GBA2: variants seen among roughly 807,000 people sequenced by gnomAD.
GBA2 encodes non-lysosomal glucosylceramidase.
A neutral mutation model predicts 112.9 loss-of-function variants in GBA2; 79 were observed. That is an observed-to-expected ratio of 0.70 (90% CI 0.58 to 0.84). GBA2 has a LOEUF of 0.84. Among genes scored for constraint, GBA2 ranks in the 40% least tolerant of loss-of-function variants. The probability of loss-of-function intolerance (pLI) is 0.00; values close to 1 mark genes in which losing one functional copy is unlikely to be tolerated. For synonymous variants in GBA2, 403 were observed against 434.3 expected (o/e 0.93, Z 0.90); for missense variants, 1,043 against 1,190.0 (o/e 0.88, Z 1.82).
At chr9:35,745,750 A>G (rs1826940148) in intron 1 of GBA2, among the ~76,000 whole-genome samples, 1 of 152,046 alleles carries the variant, frequency 6.6e-6, no homozygotes, top group African/African-American at 2.4e-5. Flanking sequence ...TTCTAATCTT[A>G]TTTCCTACAA....
intron 1 of GBA2, among the ~76,000 whole-genome samples, chr9:35,747,117 C>A (rs1422651400): frequency 1.3e-5 from 2 of 152,102 alleles, no homozygotes; most frequent in Non-Finnish European, 2.9e-5. Flanking sequence ...AGGAACTCAT[C>A]CTATTCCAAA....
Position 35,748,744 on chromosome 9 carries a change from G to C in GBA2, c.-40C>G. On this transcript the variant is annotated 5_prime_UTR_variant, in exon 1 of 17. Coordinates refer to ENST00000378103, the MANE Select transcript of GBA2 (RefSeq NM_020944.3). Reference sequence around the variant, plus strand: ...CAAGTCCCGAGCCCTCGGATACTAAGTATCTCGCCAGCCTATTCCAGATGC... The same window carrying C: ...CAAGTCCCGAGCCCTCGGATACTAACTATCTCGCCAGCCTATTCCAGATGC... 7.9e-7 allele frequency: 1 copy of C among 1,265,740 alleles called. No homozygotes were observed. The highest frequency in any genetic ancestry group is 1.5e-5 in the South Asian group (1 of 68,682). The allele number at this position is 1,265,740 out of a possible 1,614,324, so 78.4% of individuals were successfully genotyped here.
Position 35,748,780 on chromosome 9 carries a change from CGTT to C in GBA2, c.-79_-77del, listed in dbSNP as rs1175803636. ...GCCTATTCCAGATGCGGGCGCCGGT[CGTT>C]GTTAGGTATCGTCCCGGAGGGCCGG... is the stretch of plus-strand genomic sequence containing the variant. On this transcript the variant is annotated 5_prime_UTR_variant, in exon 1 of 17. Coordinates refer to ENST00000378103, the MANE Select transcript of GBA2 (RefSeq NM_020944.3). The C allele has an allele frequency of 1.1e-6, 1 of 906,500 alleles. No homozygotes were observed. Among genetic ancestry groups the C allele is most frequent in the East Asian group, 2.5e-5 (1 of 40,474 alleles). The allele number at this position is 906,500 out of a possible 1,614,324, so 56.2% of individuals were successfully genotyped here.
rs754317421 is a variant in GBA2, at chr9:35,744,411, A to C, written c.453T>G (p.Gly151=). 1 of 1,572,050 alleles carries C rather than the reference A, an allele frequency of 6.4e-7. No individual in the cohort carries two copies. Among genetic ancestry groups the C allele is most frequent in the East Asian group, 2.2e-5 (1 of 44,666 alleles). The change falls in exon 3 of 17, where the codon GGT becomes GGG. Residue 151 remains glycine, a splice_region_variant and synonymous_variant. Coordinates refer to ENST00000378103, the MANE Select transcript of GBA2 (RefSeq NM_020944.3). The part of the protein sequence containing the change: ...INSVPLRQIY[G]CPLGGIGGGT... ...CTCCCCCGATGCCACCCAAGGGACA[A>C]CCTAGAGAAATCAGGGTGGTTAGTG...
chr9:35,744,403 A>G lies in GBA2; in HGVS notation c.461T>C (p.Leu154Ser). The G allele has an allele frequency of 1.3e-6, 2 of 1,595,130 alleles. No homozygotes were observed. The highest frequency in any genetic ancestry group is 1.7e-6 in the Non-Finnish European group (2 of 1,162,664). Reference sequence around the variant, plus strand: ...AATAGTGCCTCCCCCGATGCCACCCAAGGGACAACCTAGAGAAATCAGGGT... The same window carrying G: ...AATAGTGCCTCCCCCGATGCCACCCGAGGGACAACCTAGAGAAATCAGGGT... ...VPLRQIYGCP[L>S]GGIGGGTITR... The change falls in exon 3 of 17, where the codon TTG becomes TCG. Residue 154 changes from leucine to serine, a missense_variant. Physicochemically the swap from Leu to Ser is moderately radical, Grantham distance 145. Coordinates refer to ENST00000378103, the MANE Select transcript of GBA2 (RefSeq NM_020944.3).
chr9:35,741,489 T>G lies in GBA2; in HGVS notation c.786+183A>C. 1.6e-6 allele frequency: 1 copy of G among 609,156 alleles called. No individual in the cohort carries two copies. Among genetic ancestry groups the G allele is most frequent in the Non-Finnish European group, 3.0e-6 (1 of 338,964 alleles). The allele number at this position is 609,156 out of a possible 1,614,324, so 37.7% of individuals were successfully genotyped here. A position where few individuals can be genotyped will look rare whatever the true frequency, so the allele number is the denominator to read the frequency against. On this transcript the variant is annotated intron_variant, in intron 4 of 16. Transcript: ENST00000378103. This position sits in a 1 kb window ranked among gnomAD's most constrained non-coding sequence, Gnocchi z 4.6. ...TTTTTTTTTGTATTTTTAGTAGATA[T>G]GGGGTTTCACGTGTTAGCCAGGATG...
Position 35,746,896 on chromosome 9 carries a change from A to G in GBA2, c.359+1450T>C, listed in dbSNP as rs1826995952. Among the ~76,000 whole-genome samples the G allele has an allele frequency of 6.6e-6, 1 of 152,178 alleles. No individual in the cohort carries two copies. The highest frequency in any genetic ancestry group is 1.5e-5 in the Non-Finnish European group (1 of 68,028). On this transcript the variant is annotated intron_variant, in intron 1 of 16. Transcript: ENST00000378103. This position sits in a 1 kb window ranked among gnomAD's most constrained non-coding sequence, Gnocchi z 5.2. ...CTGGCTGGAAGGGAGAACAATTGAAATTGAGTTCTTACGAAGGTAAGACCC... is the reference window on the plus strand; with the variant it reads ...CTGGCTGGAAGGGAGAACAATTGAAGTTGAGTTCTTACGAAGGTAAGACCC...
Position 35,749,218 on chromosome 9 carries a change from C to T in GBA2, c.-514G>A, listed in dbSNP as rs760586454. 1 of 452,012 alleles carries T rather than the reference C, an allele frequency of 2.2e-6. No individual in the cohort carries two copies. The highest frequency in any genetic ancestry group is 4.5e-6 in the Non-Finnish European group (1 of 224,458). 28.0% of individuals were successfully genotyped at this position (452,012 alleles called of 1,614,324 possible). ...CCTGGGCGCCGGGATGACCCGAGCCCTTTCCGGTCTGGCCTGCCGGGCGCT... is the reference window on the plus strand; with the variant it reads ...CCTGGGCGCCGGGATGACCCGAGCCTTTTCCGGTCTGGCCTGCCGGGCGCT... On this transcript the variant is annotated 5_prime_UTR_variant, in exon 1 of 17. Transcript: ENST00000378103. The surrounding 1 kb of genome is among the most constrained non-coding windows in gnomAD (Gnocchi z 4.4).
At position 35,737,907 on chromosome 9, in the gene GBA2, G is replaced by C. The variant is rs758834761; in HGVS notation, c.2346C>G (p.Leu782=). 3.1e-6 allele frequency: 5 copies of C among 1,612,902 alleles called. No individual in the cohort carries two copies. The Admixed American group carries it at 6.7e-5, about 21-fold the overall frequency. Residue 782 remains leucine, a synonymous_variant, in exon 16 of 17, where the codon CTC becomes CTG. Transcript: ENST00000378103. The surrounding 1 kb of genome is among the most constrained non-coding windows in gnomAD (Gnocchi z 4.1). The part of the protein sequence containing the change: ...VFPTQHVVRA[L]QTIFELNVQA... ...GGACGTTCAGCTCAAAGATAGTTTG[G>C]AGAGCACGGACCACATGTTGGGTAG...
chr9:35,737,555 C>CA lies in GBA2; in HGVS notation c.2506-109dup. The CA allele has an allele frequency of 6.4e-7, 1 of 1,556,374 alleles. No individual in the cohort carries two copies. The highest frequency in any genetic ancestry group is 8.7e-7 in the Non-Finnish European group (1 of 1,148,162). ...GTCTTTGCCTTCAAGGAGCTCCCAG[C>CA]AAGTGGAGGAGATAACTATGACCCA... is the stretch of plus-strand genomic sequence containing the variant. On this transcript the variant is annotated intron_variant, in intron 16 of 16. Transcript: ENST00000378103. The surrounding 1 kb of genome is among the most constrained non-coding windows in gnomAD (Gnocchi z 4.1).
rs756408401 is a variant in GBA2, at chr9:35,740,950, C to T, written c.901G>A (p.Ala301Thr). Residue 301 changes from alanine (A) to threonine (T), a missense_variant, in exon 5 of 17, where the codon GCC (alanine) becomes ACC (threonine). Transcript: ENST00000378103. The surrounding 1 kb of genome is among the most constrained non-coding windows in gnomAD (Gnocchi z 4.7). ...MRNGLGGGDD[A>T]PGGLWNEPFC... The stretch of plus-strand genomic sequence containing the variant: ...GGCTCATTCCACAAACCCCCTGGGG[C>T]ATCGTCTCCACCACCCAGTCCATTC... The T allele has an allele frequency of 6.2e-7, 1 of 1,614,070 alleles. No individual in the cohort carries two copies. Among genetic ancestry groups the T allele is most frequent in the Non-Finnish European group, 8.5e-7 (1 of 1,180,010 alleles).
chr9:35,747,692 C>G (rs1392153264), intron 1 of GBA2, among the ~76,000 whole-genome samples: 1 of 152,218 alleles, frequency 6.6e-6, no homozygotes, highest in East Asian at 1.9e-4. Flanking sequence ...CATCACTAGT[C>G]TTTGAACTCA....
rs1168539046 is a variant in GBA2 at position 35,737,433 on chromosome 9, C to T, written c.2520G>A (p.Glu840=). Reference sequence around the variant, plus strand: ...AGCAGCCTTCAGCTGTCTGGAAGCCCTCCCAAGTCAGGCCCTGTTGGGAGA... The same window carrying T: ...AGCAGCCTTCAGCTGTCTGGAAGCCTTCCCAAGTCAGGCCCTGTTGGGAGA... ...ATMIQEGLTW[E]GFQTAEGCYR... is the part of the protein sequence containing the mutation. Residue 840 remains glutamate, a synonymous_variant, in exon 17 of 17, where the codon GAG becomes GAA. Transcript: ENST00000378103. This position sits in a 1 kb window ranked among gnomAD's most constrained non-coding sequence, Gnocchi z 4.1. 1.2e-6 allele frequency: 2 copies of T among 1,613,976 alleles called. No homozygotes were observed. Among genetic ancestry groups the T allele is most frequent in the South Asian group, 1.1e-5 (1 of 91,046 alleles).
At position 35,738,918 on chromosome 9, in the gene GBA2, G is replaced by A. The variant is rs548568198; in HGVS notation, c.1796-15C>T. 6.2e-7 allele frequency: 1 copy of A among 1,613,864 alleles called. No homozygotes were observed. The highest frequency in any genetic ancestry group is 1.1e-5 in the South Asian group (1 of 91,064). ...TGGTTCATCATCTGTGGGAGAGGAGGGGACTTGGGTCACTTGCATTGGTGG... is the reference window on the plus strand; with the variant it reads ...TGGTTCATCATCTGTGGGAGAGGAGAGGACTTGGGTCACTTGCATTGGTGG... On this transcript the variant is annotated splice_polypyrimidine_tract_variant and intron_variant, in intron 11 of 16. Transcript: ENST00000378103.
chr9:35,736,894 A>C lies in GBA2; in HGVS notation c.*275T>G, dbSNP rs955871413. 4.0e-6 allele frequency: 3 copies of C among 743,806 alleles called. No homozygotes were observed. In the African/African-American group the frequency reaches 5.3e-5, roughly 13 times the overall value. The allele number at this position is 743,806 out of a possible 1,614,324, so 46.1% of individuals were successfully genotyped here. ...CTTTCTGGGTCTTTTATTTGTACCC[A>C]TGTGTCTGTCACACCATGAATGTAC... On this transcript the variant is annotated 3_prime_UTR_variant, in exon 17 of 17. Coordinates refer to ENST00000378103, the MANE Select transcript of GBA2 (RefSeq NM_020944.3).
intron 3 of GBA2, among the ~76,000 whole-genome samples, chr9:35,742,372 G>A (rs530059223): frequency 1.3e-5 from 2 of 152,170 alleles, no homozygotes; most frequent in East Asian, 3.9e-4. Context: ...ACTGTTCCTT[G>A]AGCACACTAC....
Position 35,740,330 on chromosome 9 carries a change from T to G in GBA2, c.1162A>C (p.Ile388Leu). The change falls in exon 7 of 17, where the codon ATT becomes CTT. Residue 388 changes from isoleucine (I) to leucine (L), a missense_variant. Coordinates refer to ENST00000378103, the MANE Select transcript of GBA2 (RefSeq NM_020944.3). The surrounding 1 kb of genome is among the most constrained non-coding windows in gnomAD (Gnocchi z 4.7). ...CTGGAAACACACACAGCTCCAGCAA[T>G]GCCTACTCCTTTCTGCGTAGGGGTG... ...QSTPTQKGVG[I>L]AGAVCVSSKL... 6.2e-7 allele frequency: 1 copy of G among 1,613,756 alleles called. No individual in the cohort carries two copies. The highest frequency in any genetic ancestry group is 8.5e-7 in the Non-Finnish European group (1 of 1,179,940).
In GBA2 at chr9:35,737,391, C is replaced by T. The variant is rs1341442902; in HGVS notation, c.2562G>A (p.Glu854=). The T allele has an allele frequency of 2.5e-6, 4 of 1,614,178 alleles. No individual in the cohort carries two copies. The highest frequency in any genetic ancestry group is 1.6e-4 in the Middle Eastern group (1 of 6,062). ...GGGTCTGGAAGGCCAGACCCAGGCG[C>T]TCCCACACGGTACGGTAGCAGCCTT... ...TAEGCYRTVW[E]RLGLAFQTPE... is the part of the protein sequence containing the mutation. The change falls in exon 17 of 17, where the codon GAG becomes GAA. Residue 854 remains glutamate, a synonymous_variant. Coordinates refer to ENST00000378103, the MANE Select transcript of GBA2 (RefSeq NM_020944.3). This position sits in a 1 kb window ranked among gnomAD's most constrained non-coding sequence, Gnocchi z 4.1.
Position 35,746,509 on chromosome 9 carries a change from T to C in GBA2, c.360-1803A>G, listed in dbSNP as rs1826976030. On this transcript the variant is annotated intron_variant, in intron 1 of 16. Transcript: ENST00000378103. The surrounding 1 kb of genome is among the most constrained non-coding windows in gnomAD (Gnocchi z 5.2). The stretch of plus-strand genomic sequence containing the variant: ...AGGAGGCTGAGGCAGGAGAATCGCT[T>C]GAACCCAGGAGACGGAGGTTGCACT... Among the ~76,000 whole-genome samples the C allele has an allele frequency of 6.6e-6, 1 of 152,140 alleles. No homozygotes were observed. Among genetic ancestry groups the C allele is most frequent in the Non-Finnish European group, 1.5e-5 (1 of 68,026 alleles).
Sources: gnomAD v4.1 joint callset for allele counts (sites outside exome capture counted in the v4.1 genomes callset) on GRCh38, gnomAD v4.1.1 for gene constraint, Gnocchi (gnomAD v3.1) non-coding constraint, MANE v1.5 for transcripts, NCBI Gene and HGNC (gene_info 2026-07-23, HGNC 2026-07-21) for gene names.